The following MTARC1 variants were observed in gnomAD, a reference collection of about 807,000 sequenced individuals.
MTARC1 encodes the protein mitochondrial amidoxime-reducing component 1.
In MTARC1, 24 loss-of-function variants were observed where a neutral mutation model predicts 33.6. That is an observed-to-expected ratio of 0.72 (90% confidence interval 0.52 to 1.01). The LOEUF is 1.01. Ranked by LOEUF, MTARC1 falls within the 50% of genes least tolerant of loss-of-function variation. The pLI is 0.00. For missense variants in MTARC1, 417 were observed against 445.7 expected (o/e 0.94, Z 0.58); for synonymous variants, 187 against 189.5 (o/e 0.99, Z 0.11).
chr1:220,812,810 C>T (rs375915245), intron 6 of MTARC1, among the ~76,000 whole-genome samples: 3 of 151,862 alleles, frequency 2.0e-5, no homozygotes, highest in African/African-American at 4.8e-5. Flanking sequence ...CTGCAAGCTC[C>T]GCCTCCCAAG....
At chr1:220,805,348 T>G in intron 6 of MTARC1, 74 bp downstream of exon 6, 1 of 1,521,048 alleles carries the variant, frequency 6.6e-7, no homozygotes, top group Non-Finnish European at 9.1e-7. Flanking sequence ...TGCTTAATGT[T>G]TATAAGAGGA....
intron 1 of MTARC1, among the ~76,000 whole-genome samples, chr1:220,790,333 G>A (rs190927199): frequency 1.8e-3 from 273 of 152,292 alleles, no homozygotes; most frequent in African/African-American, 5.0e-3. Flanking sequence ...GGCTGGGCAC[G>A]CCCTTGTTTA....
At chr1:220,793,061 A>G (rs1672481275) in intron 2 of MTARC1, 2 of 152,328 alleles carry the variant, frequency 1.3e-5, no homozygotes, top group South Asian at 4.1e-4. Flanking sequence ...TGGATCCTGT[A>G]GGCTTTTGAT....
chr1:220,793,779 G>A (rs1381027594), intron 2 of MTARC1: 2 of 152,196 alleles, frequency 1.3e-5, no homozygotes, highest in Non-Finnish European at 2.9e-5. Context: ...CTTTGTCAAA[G>A]GGTCAAAGGT....
chr1:220,789,604 T>C (rs949021199), intron 1 of MTARC1, among the ~76,000 whole-genome samples: 1 of 152,190 alleles, frequency 6.6e-6, no homozygotes, highest in East Asian at 1.9e-4. Context: ...CTTTGCAGCA[T>C]TGAGTGTTGA....
chr1:220,806,649 C>T (rs1033468868), intron 6 of MTARC1, among the ~76,000 whole-genome samples: 2 of 152,168 alleles, frequency 1.3e-5, no homozygotes, highest in Non-Finnish European at 2.9e-5. Flanking sequence ...CAGATCTGGC[C>T]CCATCTCTGG....
intron 6 of MTARC1, among the ~76,000 whole-genome samples, chr1:220,811,917 G>A (rs1558095148): frequency 6.6e-6 from 1 of 152,214 alleles, no homozygotes; most frequent in Non-Finnish European, 1.5e-5. Context: ...CAGTACAAGG[G>A]CATTAATCAC....
chr1:220,798,457 C>T, intron 4 of MTARC1: 3 of 985,426 alleles, frequency 3.0e-6, no homozygotes, highest in Non-Finnish European at 3.6e-6. Flanking sequence ...GTTGTTGCCC[C>T]TAAGCTTCAT....
At position 220,811,370 on chromosome 1, in the gene MTARC1, A is replaced by C. The variant is rs115529550; in HGVS notation, c.888-1922A>C. Reference sequence around the variant, plus strand: ...CATTGTTCAACCAACATTATTTTTGAGTGGTTACAGTGTATGTGTGAGGCA... The same window carrying C: ...CATTGTTCAACCAACATTATTTTTGCGTGGTTACAGTGTATGTGTGAGGCA... On this transcript the variant is annotated intron_variant, in intron 6 of 6. Coordinates refer to ENST00000366910, the MANE Select transcript of MTARC1 (RefSeq NM_022746.4). Among the ~76,000 whole-genome samples, 563 of 152,296 alleles carry C rather than the reference A, an allele frequency of 3.7e-3. 5 individuals carry two copies. Among genetic ancestry groups the C allele is most frequent in the African/African-American group, 0.012 (478 of 41,562 alleles).
Position 220,786,970 on chromosome 1 carries a change from T to C in MTARC1, c.26T>C (p.Leu9Pro). The part of the protein sequence containing the change: MGAAGSSA[L>P]ARFVLLAQSR... ...ATGGGCGCCGCCGGCTCCTCCGCGC[T>C]GGCGCGCTTTGTCCTCCTCGCGCAA... The change falls in exon 1 of 7, where the codon CTG (leucine) becomes CCG (proline). Residue 9 changes from leucine to proline, a missense_variant. Physicochemically the swap from Leu to Pro is moderately conservative, Grantham distance 98. Transcript: ENST00000366910. 8.0e-7 allele frequency: 1 copy of C among 1,251,634 alleles called. No individual in the cohort carries two copies. The highest frequency in any genetic ancestry group is 3.5e-5 in the South Asian group (1 of 28,278). The allele number at this position is 1,251,634 out of a possible 1,614,324, so 77.5% of individuals were successfully genotyped here.
intron 4 of MTARC1, chr1:220,799,108 G>A (rs888910676): frequency 1.3e-5 from 13 of 985,102 alleles, no homozygotes; most frequent in Middle Eastern, 1.0e-3. Context: ...TCTGTTGAAG[G>A]GTCAGTTTGG....
rs182210014 is a variant in MTARC1 at position 220,800,354 on chromosome 1, T to G, written c.753+2340T>G. ...GTGGCATGCGCTGTGAATAGACACA[T>G]GAGAACAAGGGTTGAAGAAATGCAC... On this transcript the variant is annotated intron_variant, in intron 4 of 6. Transcript: ENST00000366910. Among the ~76,000 whole-genome samples, 89 of 152,254 alleles carry G rather than the reference T, an allele frequency of 5.8e-4. No homozygotes were observed. The Middle Eastern group carries it at 0.01, about 17-fold the overall frequency.
rs11118610 is a variant in MTARC1 at position 220,816,744 on chromosome 1, A to C, written c.*3326A>C. The C allele has an allele frequency of 0.45, 68,763 of 152,128 alleles. 15,587 individuals are homozygous for C. Among genetic ancestry groups the C allele is most frequent in the Middle Eastern group, 0.49 (143 of 294 alleles). 9.4% of individuals were successfully genotyped at this position (152,128 alleles called of 1,614,324 possible). A position where few individuals can be genotyped will look rare whatever the true frequency, so the allele number is the denominator to read the frequency against. On this transcript the variant is annotated 3_prime_UTR_variant, in exon 7 of 7. Transcript: ENST00000366910. Reference sequence around the variant, plus strand: ...AGTTCCCGCCAAGTGAAGGAGACCTATCTTGGGACACTTCCCCTTGTCCTC... The same window carrying C: ...AGTTCCCGCCAAGTGAAGGAGACCTCTCTTGGGACACTTCCCCTTGTCCTC...
chr1:220,802,385 G>T (rs552637532), intron 4 of MTARC1, among the ~76,000 whole-genome samples: 1 of 152,280 alleles, frequency 6.6e-6, no homozygotes, highest in Admixed American at 6.5e-5. Flanking sequence ...AGGCCAGAGT[G>T]CGCTGGCATG....
chr1:220,808,485 G>A (rs961557222), intron 6 of MTARC1, among the ~76,000 whole-genome samples: 3 of 152,220 alleles, frequency 2.0e-5, no homozygotes, highest in Non-Finnish European at 2.9e-5. Flanking sequence ...GTCATAAATC[G>A]GGAAGAGAAA....
At position 220,787,148 on chromosome 1, in the gene MTARC1, C is replaced by G. The variant is rs1672259151; in HGVS notation, c.204C>G (p.Ser68=). 2 of 1,573,752 alleles carry G rather than the reference C, an allele frequency of 1.3e-6. No individual in the cohort carries two copies. The highest frequency in any genetic ancestry group is 1.7e-6 in the Non-Finnish European group (2 of 1,160,722). Residue 68 remains serine, a synonymous_variant, in exon 1 of 7, where the codon TCC becomes TCG. Coordinates refer to ENST00000366910, the MANE Select transcript of MTARC1 (RefSeq NM_022746.4). ...AGCTCTGGATCTACCCTGTGAAATC[C>G]TGCAAGGGGGTGCCGGTGAGCGAGG... ...VAQLWIYPVK[S]CKGVPVSEAE... is the part of the protein sequence containing the mutation.
rs1288641928 is a variant in MTARC1, at chr1:220,796,768, C to G, written c.575C>G (p.Pro192Arg). 6.2e-7 allele frequency: 1 copy of G among 1,612,464 alleles called. No homozygotes were observed. Among genetic ancestry groups the G allele is most frequent in the African/African-American group, 1.3e-5 (1 of 74,860 alleles). The change falls in exon 3 of 7, where the codon CCT becomes CGT. Residue 192 changes from proline (P) to arginine (R), a missense_variant. Physicochemically the swap from Pro to Arg is moderately radical, Grantham distance 103. Coordinates refer to ENST00000366910, the MANE Select transcript of MTARC1 (RefSeq NM_022746.4). ...GAGCCTCACATGCGACCGAGACGTC[C>G]TCATCAAATAGCAGACTTGTTCCGA... The part of the protein sequence containing the change: ...HFEPHMRPRR[P>R]HQIADLFRPK...
Position 220,818,299 on chromosome 1 carries a change from G to A in MTARC1, c.*4881G>A, listed in dbSNP as rs1296915957. On this transcript the variant is annotated 3_prime_UTR_variant, in exon 7 of 7. Coordinates refer to ENST00000366910, the MANE Select transcript of MTARC1 (RefSeq NM_022746.4). Reference sequence around the variant, plus strand: ...GGTGGGGCACCTGCTCCCATGCTCTGTGGCCTGGCTCAGAGAGAAGAGTTG... The same window carrying A: ...GGTGGGGCACCTGCTCCCATGCTCTATGGCCTGGCTCAGAGAGAAGAGTTG... The A allele has an allele frequency of 6.6e-6, 1 of 152,232 alleles. No individual in the cohort carries two copies. The highest frequency in any genetic ancestry group is 1.5e-5 in the Non-Finnish European group (1 of 68,070). 9.4% of individuals were successfully genotyped at this position (152,232 alleles called of 1,614,324 possible).
Position 220,819,510 on chromosome 1 carries a change from C to A in MTARC1, c.*6092C>A, listed in dbSNP as rs1479689110. On this transcript the variant is annotated 3_prime_UTR_variant, in exon 7 of 7. Transcript: ENST00000366910. ...TTTTGCATTGGACAGATATAAATGT[C>A]TTGGGGATGTCAAGTAAGATTGTTC... is the stretch of plus-strand genomic sequence containing the variant. 1 of 152,142 alleles carries A rather than the reference C, an allele frequency of 6.6e-6. No individual in the cohort carries two copies. The highest frequency in any genetic ancestry group is 2.4e-5 in the African/African-American group (1 of 41,426). 9.4% of individuals were successfully genotyped at this position (152,142 alleles called of 1,614,324 possible).
Sources: allele counts gnomAD v4.1 joint callset (sites outside exome capture counted in the v4.1 genomes callset), GRCh38; gene constraint gnomAD v4.1.1; transcripts MANE v1.5; gene names NCBI Gene and HGNC (gene_info 2026-07-23, HGNC 2026-07-21).